The following SNX18 variants were observed in gnomAD, a reference collection of about 807,000 sequenced individuals.
SNX18 encodes the protein sorting nexin 18, also known as sorting nexin-18.
SNX18 carries 35 observed loss-of-function variants against 48.7 expected under a neutral mutation model. That is an observed-to-expected ratio of 0.72 (90% CI 0.55 to 0.95). SNX18 has a LOEUF of 0.95. SNX18 is among the 40% of genes least tolerant of loss of function. The pLI, the probability that SNX18 is intolerant of heterozygous loss-of-function variation, is 0.00. For synonymous variants in SNX18, 492 were observed against 384.7 expected, an observed-to-expected ratio of 1.28 and a Z score of -3.26; for missense variants, 824 against 871.0, an observed-to-expected ratio of 0.95 and a Z score of 0.68.
At chr5:54,602,088 C>T in the SNX18 span, among the ~76,000 whole-genome samples, 2 of 152,144 alleles carry the variant, frequency 1.3e-5, no homozygotes, top group African/African-American at 4.8e-5. Context: ...AAGCAAAGCT[C>T]CTCCAAGAAT....
At chr5:54,645,425 AG>A in the SNX18 span, 1 of 152,240 alleles carries the variant, frequency 6.6e-6, no homozygotes, top group Admixed American at 6.5e-5. Context: ...AAAACAGATG[AG>A]GGGTCTAAGC....
the SNX18 span, among the ~76,000 whole-genome samples, chr5:54,589,319 T>C: frequency 3.3e-5 from 5 of 152,122 alleles, no homozygotes; most frequent in Non-Finnish European, 7.4e-5. Flanking sequence ...CAGAGACCCC[T>C]GTGTCTCTGC....
At chr5:54,527,444 G>A (rs1762156404) in intron 1 of SNX18, among the ~76,000 whole-genome samples, 1 of 152,198 alleles carries the variant, frequency 6.6e-6, no homozygotes, top group South Asian at 2.1e-4. Flanking sequence ...GATGTGACAT[G>A]CAAGAGAAAG....
the SNX18 span, among the ~76,000 whole-genome samples, chr5:54,586,846 C>T: frequency 6.6e-6 from 1 of 152,016 alleles, no homozygotes; most frequent in Non-Finnish European, 1.5e-5. Flanking sequence ...TGGAAGGAGC[C>T]CATGATACAG....
chr5:54,612,440 T>G, the SNX18 span, among the ~76,000 whole-genome samples: 1 of 152,010 alleles, frequency 6.6e-6, no homozygotes, highest in South Asian at 2.1e-4. Context: ...TTTGTGTGTA[T>G]TTTTAGTGGA....
chr5:54,613,253 T>A, the SNX18 span, among the ~76,000 whole-genome samples: 1 of 152,132 alleles, frequency 6.6e-6, no homozygotes, highest in African/African-American at 2.4e-5. Flanking sequence ...TTCCTGAAAC[T>A]ACGTAATTTA....
chr5:54,608,467 C>T, the SNX18 span, among the ~76,000 whole-genome samples: 1 of 152,134 alleles, frequency 6.6e-6, no homozygotes, highest in Non-Finnish European at 1.5e-5. Flanking sequence ...AACTCCTGGG[C>T]TCAAGTAATC....
the SNX18 span, among the ~76,000 whole-genome samples, chr5:54,590,900 G>A: frequency 0.084 from 12,711 of 152,176 alleles, 701 homozygotes; most frequent in Admixed American, 0.15. Flanking sequence ...CTTGGTGCAT[G>A]ATGAGTAAAT....
chr5:54,647,407 T>A, the SNX18 span, among the ~76,000 whole-genome samples: 1 of 152,198 alleles, frequency 6.6e-6, no homozygotes, highest in Non-Finnish European at 1.5e-5. Context: ...TAACGAGTGA[T>A]GCTTGATCTC....
the SNX18 span, among the ~76,000 whole-genome samples, chr5:54,554,008 T>A: frequency 6.6e-6 from 1 of 152,240 alleles, no homozygotes; most frequent in Non-Finnish European, 1.5e-5. Flanking sequence ...AAACACTGGA[T>A]TCGCTGTTCT....
the SNX18 span, among the ~76,000 whole-genome samples, chr5:54,559,388 G>T: frequency 6.6e-6 from 1 of 152,070 alleles, no homozygotes; most frequent in Non-Finnish European, 1.5e-5. Flanking sequence ...ATAGACCAAT[G>T]GAATAGAATA....
chr5:54,612,254 A>AT, the SNX18 span, among the ~76,000 whole-genome samples: 3 of 71,842 alleles, frequency 4.2e-5, no homozygotes, highest in African/African-American at 9.8e-5. Flanking sequence ...GAGGGTGGGA[A>AT]TTTTTTTTTA....
chr5:54,625,442 G>A, the SNX18 span, among the ~76,000 whole-genome samples: 1 of 152,152 alleles, frequency 6.6e-6, no homozygotes, highest in Non-Finnish European at 1.5e-5. Flanking sequence ...TTGGATCTTG[G>A]ACACAGCTAT....
At chr5:54,610,942 C>T in the SNX18 span, among the ~76,000 whole-genome samples, 7 of 152,208 alleles carry the variant, frequency 4.6e-5, no homozygotes, top group Admixed American at 2.6e-4. Flanking sequence ...AATACAGAAT[C>T]ATCTATTGGC....
At chr5:54,632,774 A>AC in the SNX18 span, among the ~76,000 whole-genome samples, 3 of 151,406 alleles carry the variant, frequency 2.0e-5, no homozygotes, top group East Asian at 5.8e-4. Flanking sequence ...AGTAATTTTT[A>AC]TTTTTTTTAT....
chr5:54,520,875 T>G, intron 1 of SNX18: 2 of 167,246 alleles, frequency 1.2e-5, no homozygotes. Context: ...ACCCTGGACA[T>G]CAGTACTAAT....
the SNX18 span, among the ~76,000 whole-genome samples, chr5:54,564,818 A>G: frequency 2.6e-5 from 4 of 152,360 alleles, no homozygotes; most frequent in Non-Finnish European, 5.9e-5. Flanking sequence ...AGTTTGCGCC[A>G]CTGCTCTCCA....
At chr5:54,625,098 G>A in the SNX18 span, among the ~76,000 whole-genome samples, 5 of 152,048 alleles carry the variant, frequency 3.3e-5, no homozygotes, top group African/African-American at 1.2e-4. Context: ...ATGTGTTTTC[G>A]AGTACCAGAA....
At chr5:54,538,811 A>C (rs1202031777) in intron 1 of SNX18, among the ~76,000 whole-genome samples, 1 of 152,160 alleles carries the variant, frequency 6.6e-6, no homozygotes, top group African/African-American at 2.4e-5. Context: ...TTTTATTGCT[A>C]ATCATCTTTT....
Sources: allele counts gnomAD v4.1 joint callset (sites outside exome capture counted in the v4.1 genomes callset), GRCh38; gene constraint gnomAD v4.1.1; transcripts MANE v1.5; gene names NCBI Gene and HGNC (gene_info 2026-07-23, HGNC 2026-07-21).